Variants in SLIT3 observed in about 807,000 individuals in gnomAD.
SLIT3 encodes the protein slit guidance ligand 3.
A neutral mutation model predicts 184.0 loss-of-function variants in SLIT3; 68 were observed. The observed-to-expected ratio is 0.37, with a 90% CI of 0.30 to 0.45. The LOEUF (loss-of-function observed/expected upper bound fraction) is 0.45, where lower values mean the gene tolerates loss of function less well. Ranked by LOEUF, SLIT3 falls within the 20% of genes least tolerant of loss-of-function variation. SLIT3 has a pLI of 1.00. For synonymous variants in SLIT3, 831 were observed against 828.6 expected (o/e 1.00, Z -0.05); for missense variants, 1,707 against 2,026.0 (o/e 0.84, Z 3.02).
chr5:168,921,788 GA>G (rs1451565607), intron 4 of SLIT3, among the ~76,000 whole-genome samples: 3 of 152,192 alleles, frequency 2.0e-5, no homozygotes, highest in Non-Finnish European at 4.4e-5. Flanking sequence ...AGGAGAAGGA[GA>G]ACACTTTGTT....
Position 168,748,552 on chromosome 5 carries a change from C to A in SLIT3, c.2138-118G>T, listed in dbSNP as rs1187909425. On this transcript the variant is annotated intron_variant, in intron 19 of 35. Transcript: ENST00000519560. ...AGTTGTCCCCTGTCCCCGCTGTGTTCTAGAACCAGGAAGAGGGTACCCGCT... is the reference window on the plus strand; with the variant it reads ...AGTTGTCCCCTGTCCCCGCTGTGTTATAGAACCAGGAAGAGGGTACCCGCT... The A allele has an allele frequency of 2.9e-6, 3 of 1,043,294 alleles. No homozygotes were observed. The African/African-American group carries it at 5.1e-5, about 18-fold the overall frequency. The allele number at this position is 1,043,294 out of a possible 1,614,324, so 64.6% of individuals were successfully genotyped here.
Position 168,814,747 on chromosome 5 carries a change from T to C in SLIT3, c.793+2553A>G, listed in dbSNP as rs921136001. Among the ~76,000 whole-genome samples the C allele has an allele frequency of 3.9e-5, 6 of 152,226 alleles. No homozygotes were observed. The East Asian group carries it at 1.2e-3, about 29-fold the overall frequency. On this transcript the variant is annotated intron_variant, in intron 8 of 35. Coordinates refer to ENST00000519560, the MANE Select transcript of SLIT3 (RefSeq NM_003062.4). ...ACAAAAGTATTCGCAGTTTTTGCAA[T>C]TGAAAGTAATGGCAGAAACCACAAT...
intron 4 of SLIT3, among the ~76,000 whole-genome samples, chr5:168,957,868 T>C (rs1275728699): frequency 6.6e-6 from 1 of 152,164 alleles, no homozygotes; most frequent in African/African-American, 2.4e-5. Context: ...CCACTCTGAG[T>C]CCCGAGTCGT....
intron 4 of SLIT3, among the ~76,000 whole-genome samples, chr5:168,920,585 C>T (rs772613160): frequency 6.6e-6 from 1 of 152,152 alleles, no homozygotes; most frequent in Non-Finnish European, 1.5e-5. Flanking sequence ...AGTTTTAATG[C>T]GTCTTTCCAG....
intron 4 of SLIT3, among the ~76,000 whole-genome samples, chr5:169,069,878 T>C (rs1581373618): frequency 6.6e-6 from 1 of 151,622 alleles, no homozygotes; most frequent in East Asian, 1.9e-4. Context: ...ATGATGAGAG[T>C]CTGGGTAGTG....
intron 27 of SLIT3, among the ~76,000 whole-genome samples, chr5:168,699,796 T>A (rs970980651): frequency 6.6e-6 from 1 of 152,092 alleles, no homozygotes; most frequent in African/African-American, 2.4e-5. Context: ...AATGAGAAAA[T>A]ACTTGACTAG....
At chr5:168,871,898 A>C (rs1759535622) in intron 5 of SLIT3, among the ~76,000 whole-genome samples, 1 of 152,136 alleles carries the variant, frequency 6.6e-6, no homozygotes, top group Admixed American at 6.5e-5. Context: ...AGGCAGCCTG[A>C]CTCCAGAGTC....
At chr5:169,240,333 G>C (rs999859753) in intron 3 of SLIT3, among the ~76,000 whole-genome samples, 1 of 151,324 alleles carries the variant, frequency 6.6e-6, no homozygotes, top group Non-Finnish European at 1.5e-5. Context: ...TTACCAAAAA[G>C]TGTATCTTAA....
intron 4 of SLIT3, among the ~76,000 whole-genome samples, chr5:168,969,348 C>T (rs2113315160): frequency 6.6e-6 from 1 of 152,270 alleles, no homozygotes; most frequent in Non-Finnish European, 1.5e-5. Flanking sequence ...TTAATTTTCT[C>T]CTCAGTTGAC....
chr5:168,734,527 C>A (rs574054348), intron 20 of SLIT3, among the ~76,000 whole-genome samples: 2 of 152,332 alleles, frequency 1.3e-5, no homozygotes, highest in South Asian at 4.1e-4. Flanking sequence ...TCAGTTCCCA[C>A]ACCTACCAAT....
At chr5:168,931,130 G>T (rs945289017) in intron 4 of SLIT3, among the ~76,000 whole-genome samples, 2 of 152,204 alleles carry the variant, frequency 1.3e-5, no homozygotes, top group African/African-American at 2.4e-5. Context: ...TATAGCCCAT[G>T]ATTTGGGAGG....
chr5:168,856,806 T>TGTGTGTGTGCGCGCGCGC (rs374432432), intron 5 of SLIT3, among the ~76,000 whole-genome samples: 2 of 137,740 alleles, frequency 1.5e-5, no homozygotes, highest in African/African-American at 5.5e-5. Context: ...TGTGTGTGTG[T>TGTGTGTGTGCGCGCGCGC]GCGCGCGCGC....
In SLIT3 at chr5:169,282,797, A is replaced by G. The variant is rs186633841; in HGVS notation, c.197+17716T>C. ...CCTTACATTATGCTGAATGTTTTAC[A>G]TATCTTACCTCATTTATTCTTCCCT... On this transcript the variant is annotated intron_variant, in intron 1 of 35. Transcript: ENST00000519560. Among the ~76,000 whole-genome samples, 76 of 152,358 alleles carry G rather than the reference A, an allele frequency of 5.0e-4. 1 individual carries two copies. Among genetic ancestry groups the G allele is most frequent in the East Asian group, 4.6e-3 (24 of 5,188 alleles).
intron 4 of SLIT3, among the ~76,000 whole-genome samples, chr5:169,028,221 A>G (rs1756898624): frequency 6.7e-6 from 1 of 149,868 alleles, no homozygotes; most frequent in African/African-American, 2.5e-5. Context: ...TTATTTCTCC[A>G]AATGTTTGGT....
intron 5 of SLIT3, among the ~76,000 whole-genome samples, chr5:168,845,260 G>A (rs1021278247): frequency 6.6e-6 from 1 of 152,088 alleles, no homozygotes; most frequent in Non-Finnish European, 1.5e-5. Flanking sequence ...TGTCTGTGGT[G>A]GTTTGATGCC....
intron 8 of SLIT3, among the ~76,000 whole-genome samples, chr5:168,815,244 C>G (rs1252975336): frequency 6.6e-6 from 1 of 152,174 alleles, no homozygotes; most frequent in Non-Finnish European, 1.5e-5. Context: ...AAGAGTGAGG[C>G]ATTCAGATTT....
chr5:169,054,984 C>T (rs1360768931), intron 4 of SLIT3, among the ~76,000 whole-genome samples: 2 of 152,050 alleles, frequency 1.3e-5, no homozygotes, highest in African/African-American at 4.8e-5. Context: ...AGAGGCTGCT[C>T]TGTGGCCCTC....
intron 4 of SLIT3, among the ~76,000 whole-genome samples, chr5:169,029,680 TGGAA>T (rs1226924223): frequency 1.3e-5 from 2 of 152,212 alleles, no homozygotes; most frequent in Admixed American, 6.5e-5. Context: ...CAAGAGATCT[TGGAA>T]GGAAGTAGAA....
At chr5:168,993,568 GTC>G (rs1275780627) in intron 4 of SLIT3, among the ~76,000 whole-genome samples, 3 of 152,140 alleles carry the variant, frequency 2.0e-5, no homozygotes, top group East Asian at 3.9e-4. Flanking sequence ...AGGCCCTTTT[GTC>G]TTAGAAGGAT....
Sources: gnomAD v4.1 joint callset for allele counts (sites outside exome capture counted in the v4.1 genomes callset) on GRCh38, gnomAD v4.1.1 for gene constraint, MANE v1.5 for transcripts, NCBI Gene and HGNC (gene_info 2026-07-23, HGNC 2026-07-21) for gene names.